PDE4C: variants seen among roughly 807,000 people sequenced by gnomAD.
The protein encoded by PDE4C is phosphodiesterase 4C, also known as 3',5'-cyclic-AMP phosphodiesterase 4C.
A neutral mutation model predicts 63.9 loss-of-function variants in PDE4C; 50 were observed. That is an observed-to-expected ratio of 0.78 (90% CI 0.62 to 0.99). The LOEUF is 0.99. PDE4C is among the 50% of genes least tolerant of loss of function. PDE4C has a pLI of 0.00. For synonymous variants in PDE4C, 377 were observed against 385.1 expected (o/e 0.98, Z 0.25); for missense variants, 777 against 899.1 (o/e 0.86, Z 1.74).
intron 1 of PDE4C, among the ~76,000 whole-genome samples, chr19:18,242,531 C>T (rs973397967): frequency 6.7e-6 from 1 of 148,862 alleles, no homozygotes. Flanking sequence ...CCTGTAATCC[C>T]AGCATTTTGG....
the PDE4C span, chr19:18,255,074 G>T: frequency 2.5e-6 from 1 of 392,566 alleles, no homozygotes. The surrounding 1 kb of genome is among the most constrained non-coding windows in gnomAD (Gnocchi z 4.6). Flanking sequence ...GTTTGTTTCT[G>T]GGGGAAAACC....
At chr19:18,239,898 C>T (rs1434407199) in intron 1 of PDE4C, among the ~76,000 whole-genome samples, 3 of 151,926 alleles carry the variant, frequency 2.0e-5, no homozygotes, top group Non-Finnish European at 2.9e-5. Flanking sequence ...TGGCGCTTTG[C>T]ACCTGTAATC....
upstream of PDE4C, among the ~76,000 whole-genome samples, chr19:18,249,498 C>T (rs543537898): frequency 9.9e-5 from 15 of 151,970 alleles, no homozygotes; most frequent in Non-Finnish European, 1.9e-4. Context: ...TGGTCTTGAA[C>T]TCCTGACCTC....
upstream of PDE4C, among the ~76,000 whole-genome samples, chr19:18,237,625 C>CT (rs1968974137): frequency 6.6e-6 from 1 of 151,804 alleles, no homozygotes; most frequent in Admixed American, 6.6e-5. Flanking sequence ...GTAATCCCAG[C>CT]ACTTTGGGAG....
chr19:18,221,607 GGTTTGTTTGTTTGTTT>G (rs112520605), intron 2 of PDE4C, among the ~76,000 whole-genome samples: 2 of 151,226 alleles, frequency 1.3e-5, no homozygotes, highest in Non-Finnish European at 2.9e-5. Flanking sequence ...TGGCCTTAAT[GGTTTGTTTGTTTGTTT>G]GTTTGTTTGT....
At chr19:18,209,517 G>A (rs990359337), downstream of PDE4C, 2 of 151,654 alleles carry the variant, frequency 1.3e-5, no homozygotes, top group African/African-American at 4.8e-5. Context: ...CCAAAGTTCT[G>A]GGATTACAGG....
exon 1 of PDE4C, chr19:18,226,385 G>A: frequency 6.8e-7 from 1 of 1,463,282 alleles, no homozygotes; most frequent in Non-Finnish European, 9.0e-7. Context: ...CCGGGCCCGG[G>A]GACCGGGGCG....
chr19:18,226,180 A>T (rs1295199400), intron 1 of PDE4C, 90 bp downstream of exon 1: 2 of 1,081,594 alleles, frequency 1.8e-6, no homozygotes, highest in Non-Finnish European at 2.7e-6. Context: ...CCCCGGCCCC[A>T]GCTGTCCCTG....
At chr19:18,216,199 TG>T (rs527491418) in intron 12 of PDE4C, among the ~76,000 whole-genome samples, 120 of 150,566 alleles carry the variant, frequency 8.0e-4, no homozygotes, top group African/African-American at 2.9e-3. Flanking sequence ...CCACATTGCC[TG>T]GGTACAGCCA....
At chr19:18,211,694 G>T in intron 14 of PDE4C, 65 bp downstream of exon 14, 1 of 1,575,374 alleles carries the variant, frequency 6.3e-7, no homozygotes, top group East Asian at 2.2e-5. Context: ...GGCTCGTGGG[G>T]TTGGCTCAGC....
intron 1 of PDE4C, among the ~76,000 whole-genome samples, chr19:18,223,229 A>C (rs1056686964): frequency 1.7e-5 from 2 of 120,734 alleles, no homozygotes; most frequent in Non-Finnish European, 3.5e-5. Flanking sequence ...TTTTTTTTTG[A>C]GACAGAGTTT....
At chr19:18,231,987 G>A (rs1350380143) in intron 1 of PDE4C, among the ~76,000 whole-genome samples, 1 of 152,004 alleles carries the variant, frequency 6.6e-6, no homozygotes, top group Non-Finnish European at 1.5e-5. Flanking sequence ...GGTGGGGTGA[G>A]GGAGTGGGGG....
intron 1 of PDE4C, chr19:18,225,575 T>C (rs907960170): frequency 1.3e-5 from 2 of 152,318 alleles, no homozygotes; most frequent in Non-Finnish European, 2.9e-5. Context: ...CCAGCCACAG[T>C]CGGCGCCCAC....
At chr19:18,252,390 C>T (rs1213287891), upstream of PDE4C, 3 of 398,994 alleles carry the variant, frequency 7.5e-6, no homozygotes, top group East Asian at 1.1e-4. Flanking sequence ...TTCCCCTGAA[C>T]TGTGGGTGCT....
At chr19:18,223,192 ACCACCACGC>A (rs1311745388) in intron 1 of PDE4C, among the ~76,000 whole-genome samples, 2 of 144,194 alleles carry the variant, frequency 1.4e-5, no homozygotes, top group Non-Finnish European at 3.0e-5. Flanking sequence ...ACAGGTGCGC[ACCACCACGC>A]CCGGCTAATT....
At chr19:18,212,837 G>T (rs1248981209) in intron 13 of PDE4C, among the ~76,000 whole-genome samples, 1 of 150,658 alleles carries the variant, frequency 6.6e-6, no homozygotes, top group South Asian at 2.1e-4. Context: ...ACAGGCGCCC[G>T]CCACCACACC....
At chr19:18,250,943 T>C (rs935113340), upstream of PDE4C, among the ~76,000 whole-genome samples, 1 of 152,020 alleles carries the variant, frequency 6.6e-6, no homozygotes, top group Non-Finnish European at 1.5e-5. Context: ...CCAGCTAATT[T>C]GTGTACATAT....
At chr19:18,251,735 G>A (rs2148082479), upstream of PDE4C, among the ~76,000 whole-genome samples, 1 of 110,640 alleles carries the variant, frequency 9.0e-6, no homozygotes, top group Middle Eastern at 5.2e-3. Flanking sequence ...TTACAGGCTT[G>A]AGCCACCGCG....
rs1968711798 is a variant in PDE4C at position 18,226,201 on chromosome 19, T to C, written c.146+69A>G. The C allele has an allele frequency of 3.0e-6, 4 of 1,327,112 alleles. No individual in the cohort carries two copies. In the South Asian group the frequency reaches 5.0e-5, roughly 17 times the overall value. 82.2% of individuals were successfully genotyped at this position (1,327,112 alleles called of 1,614,324 possible). A position where few individuals can be genotyped will look rare whatever the true frequency, so the allele number is the denominator to read the frequency against. ...CCCCAGCTGTCCCTGGCCTTGTCCC[T>C]GTCCCTGCCCTTCCCACCTCCACAC... On this transcript the variant is annotated intron_variant, in intron 1 of 14. Transcript: ENST00000262805.
Sources: gnomAD v4.1 joint callset for allele counts (sites outside exome capture counted in the v4.1 genomes callset) on GRCh38, gnomAD v4.1.1 for gene constraint, Gnocchi (gnomAD v3.1) non-coding constraint, MANE v1.5 for transcripts, NCBI Gene and HGNC (gene_info 2026-07-23, HGNC 2026-07-21) for gene names.